The following CEP63 variants were observed in gnomAD, a reference collection of about 807,000 sequenced individuals.
CEP63 encodes centrosomal protein of 63 kDa.
CEP63 carries 84 observed loss-of-function variants against 89.1 expected under a neutral mutation model. That is an observed-to-expected ratio of 0.94 (90% confidence interval 0.79 to 1.13). The LOEUF (loss-of-function observed/expected upper bound fraction) is 1.13. Among genes scored for constraint, CEP63 ranks in the 50% most tolerant of loss-of-function variants. The pLI is 0.00. For synonymous variants in CEP63, 267 were observed against 272.5 expected (o/e 0.98, Z 0.20); for missense variants, 838 against 813.3 (o/e 1.03, Z -0.37).
the CEP63 span, among the ~76,000 whole-genome samples, chr3:134,594,749 T>TA: frequency 1.3e-5 from 2 of 152,266 alleles, no homozygotes; most frequent in African/African-American, 4.8e-5. Context: ...ATCTATCATT[T>TA]TGTTTTTGAA....
intron 1 of CEP63, among the ~76,000 whole-genome samples, chr3:134,488,916 G>C (rs1458748925): frequency 6.6e-6 from 1 of 152,096 alleles, no homozygotes; most frequent in Non-Finnish European, 1.5e-5. Flanking sequence ...CCAGCACTTT[G>C]GGAGGCTGAG....
At position 134,545,678 on chromosome 3, in the gene CEP63, T is replaced by C. The variant is rs929447433; in HGVS notation, c.648T>C (p.Ala216=). 2 of 1,614,136 alleles carry C rather than the reference T, an allele frequency of 1.2e-6. No homozygotes were observed. The highest frequency in any genetic ancestry group is 4.5e-5 in the East Asian group (2 of 44,860). Reference sequence around the variant, plus strand: ...ACTTAAGCAGTAAACTGGAGCGGGCTAATGACACTATCTGTGCCAATGAGT... The same window carrying C: ...ACTTAAGCAGTAAACTGGAGCGGGCCAATGACACTATCTGTGCCAATGAGT... ...IQHLSSKLER[A]NDTICANELE... Residue 216 remains alanine (A), a synonymous_variant, in exon 7 of 15, where the codon GCT becomes GCC. Transcript: ENST00000675561.
At chr3:134,487,580 A>G (rs538951772) in intron 1 of CEP63, among the ~76,000 whole-genome samples, 9 of 152,268 alleles carry the variant, frequency 5.9e-5, no homozygotes, top group South Asian at 4.1e-4. Flanking sequence ...AAAAATGTCA[A>G]CTTGACTTGA....
chr3:134,712,825 A>G, the CEP63 span, among the ~76,000 whole-genome samples: 4 of 152,194 alleles, frequency 2.6e-5, no homozygotes, highest in Non-Finnish European at 5.9e-5. Flanking sequence ...GCAGTTTTCC[A>G]GAGAATACTT....
At chr3:134,733,423 T>C in the CEP63 span, among the ~76,000 whole-genome samples, 3 of 149,872 alleles carry the variant, frequency 2.0e-5, no homozygotes, top group African/African-American at 7.3e-5. Flanking sequence ...TTCAAATACA[T>C]GCAAAAAATT....
downstream of CEP63, among the ~76,000 whole-genome samples, chr3:134,567,111 T>C (rs1957799972): frequency 6.7e-6 from 1 of 150,224 alleles, no homozygotes; most frequent in South Asian, 2.1e-4. Flanking sequence ...ATTATACTAC[T>C]GATGCCACAG....
At chr3:134,758,497 C>A in the CEP63 span, among the ~76,000 whole-genome samples, 1 of 152,182 alleles carries the variant, frequency 6.6e-6, no homozygotes, top group African/African-American at 2.4e-5. Context: ...ATGGTCTCAG[C>A]CGCCCAGAAG....
chr3:134,693,669 A>G, the CEP63 span, among the ~76,000 whole-genome samples: 1 of 152,176 alleles, frequency 6.6e-6, no homozygotes. Context: ...GATCCTCTGT[A>G]GAGAAACTTC....
chr3:134,566,336 TATA>T (rs920591086), downstream of CEP63, among the ~76,000 whole-genome samples: 21 of 152,242 alleles, frequency 1.4e-4, no homozygotes, highest in South Asian at 4.1e-4. Context: ...ATAATAGTAA[TATA>T]ATAATATTAA....
the CEP63 span, among the ~76,000 whole-genome samples, chr3:134,697,011 G>A: frequency 6.6e-6 from 1 of 152,194 alleles, no homozygotes; most frequent in Non-Finnish European, 1.5e-5. Context: ...GACATACATT[G>A]CTAAAGCACC....
At position 134,537,172 on chromosome 3, in the gene CEP63, G is replaced by C. The variant is rs748916221; in HGVS notation, c.459G>C (p.Ser153=). The C allele has an allele frequency of 1.2e-6, 2 of 1,612,874 alleles. No homozygotes were observed. Among genetic ancestry groups the C allele is most frequent in the Admixed American group, 3.3e-5 (2 of 60,016 alleles). The part of the protein sequence containing the change: ...TAKIEEFRQK[S]LDWEKQRLIY... ...CTCCTCAGGAATTCCGTCAGAAATC[G>C]CTGGACTGGGAGAAGCAACGCTTGA... The change falls in exon 6 of 15, where the codon TCG becomes TCC. Residue 153 remains serine (S), a synonymous_variant. Coordinates refer to ENST00000675561, the MANE Select transcript of CEP63 (RefSeq NM_001353108.3).
rs1164740746 is a variant in CEP63 at position 134,546,188 on chromosome 3, C to A, written c.829C>A (p.Gln277Lys). 1.9e-6 allele frequency: 3 copies of A among 1,613,798 alleles called. No individual in the cohort carries two copies. The highest frequency in any genetic ancestry group is 2.7e-5 in the African/African-American group (2 of 74,898). ...AAAGAGAGAATTGAAGGCAGCTCTT[C>A]AGTCTCAAGAAAATCTCATACATGA... is the stretch of plus-strand genomic sequence containing the variant. ...EEKRELKAAL[Q>K]SQENLIHEAR... is the part of the protein sequence containing the mutation. The change falls in exon 8 of 15, where the codon CAG (glutamine) becomes AAG (lysine). Residue 277 changes from glutamine (Q) to lysine (K), a missense_variant. By Grantham distance (53) the Gln-to-Lys change is moderately conservative. Coordinates refer to ENST00000675561, the MANE Select transcript of CEP63 (RefSeq NM_001353108.3).
upstream of CEP63, chr3:134,485,991 G>GGGC: frequency 1.1e-5 from 10 of 938,140 alleles, no homozygotes; most frequent in Non-Finnish European, 1.3e-5. Flanking sequence ...CTCCTGCCAC[G>GGGC]CCCCCCCCCC....
chr3:134,699,366 G>T, the CEP63 span, among the ~76,000 whole-genome samples: 40 of 152,322 alleles, frequency 2.6e-4, no homozygotes, highest in African/African-American at 9.4e-4. Context: ...GAGGGGACAG[G>T]ATTGACAGAA....
chr3:134,631,103 A>G, the CEP63 span, among the ~76,000 whole-genome samples: 1 of 152,254 alleles, frequency 6.6e-6, no homozygotes, highest in Non-Finnish European at 1.5e-5. Context: ...AATACCCAAA[A>G]GTCTAACAGT....
chr3:134,647,910 G>A, the CEP63 span, among the ~76,000 whole-genome samples: 1 of 152,182 alleles, frequency 6.6e-6, no homozygotes, highest in African/African-American at 2.4e-5. Flanking sequence ...GGCTAAGACC[G>A]TCAATCCCAA....
the CEP63 span, among the ~76,000 whole-genome samples, chr3:134,596,648 T>C: frequency 1.4e-4 from 21 of 152,212 alleles, no homozygotes; most frequent in African/African-American, 4.8e-4. Context: ...TGGCCCTGTC[T>C]TCCTAGTCTG....
At chr3:134,657,583 T>C in the CEP63 span, among the ~76,000 whole-genome samples, 1 of 152,226 alleles carries the variant, frequency 6.6e-6, no homozygotes, top group Non-Finnish European at 1.5e-5. Flanking sequence ...TTCTCATTGT[T>C]GGACTTTTAG....
At chr3:134,782,387 AT>A in the CEP63 span, among the ~76,000 whole-genome samples, 1 of 152,256 alleles carries the variant, frequency 6.6e-6, no homozygotes, top group East Asian at 1.9e-4. Context: ...CAAATATTCT[AT>A]TTTTTATTGT....
Sources: allele counts gnomAD v4.1 joint callset (sites outside exome capture counted in the v4.1 genomes callset), GRCh38; gene constraint gnomAD v4.1.1; transcripts MANE v1.5; gene names NCBI Gene and HGNC (gene_info 2026-07-23, HGNC 2026-07-21).